BNC2: variants seen among roughly 807,000 people sequenced by gnomAD.
The protein encoded by BNC2 is zinc finger protein basonuclin-2.
A neutral mutation model predicts 76.3 loss-of-function variants in BNC2; 20 were observed. That is an observed-to-expected ratio of 0.26 (90% CI 0.18 to 0.38). The LOEUF (loss-of-function observed/expected upper bound fraction) is 0.38. BNC2 is among the 10% of genes least tolerant of loss of function. The pLI is 1.00. For missense variants in BNC2, 1,382 were observed against 1,399.8 expected (o/e 0.99, Z 0.20); for synonymous variants, 582 against 514.8 (o/e 1.13, Z -1.77).
At chr9:16,477,670 T>C (rs1056214943) in intron 5 of BNC2, among the ~76,000 whole-genome samples, 2 of 152,192 alleles carry the variant, frequency 1.3e-5, no homozygotes, top group South Asian at 4.1e-4. Context: ...TGGGGAAACA[T>C]ATATAATTAT....
At position 16,743,850 on chromosome 9, in the gene BNC2, A is replaced by G. The variant is rs1253155101; in HGVS notation, c.4-5365T>C. On this transcript the variant is annotated intron_variant, in intron 1 of 6. Coordinates refer to ENST00000380672, the MANE Select transcript of BNC2 (RefSeq NM_017637.6). ...GCTTATGGTGTCAAAGGGTATTCCA[A>G]AATACCCCAGGGGAAAAACCTAAAT... Among the ~76,000 whole-genome samples the G allele has an allele frequency of 6.6e-5, 10 of 152,222 alleles. No individual in the cohort carries two copies. The East Asian group carries it at 1.7e-3, about 26-fold the overall frequency.
intron 3 of BNC2, among the ~76,000 whole-genome samples, chr9:16,612,036 G>A (rs888436132): frequency 7.3e-6 from 1 of 136,978 alleles, no homozygotes; most frequent in Non-Finnish European, 1.6e-5. Flanking sequence ...AGGTAGAAGA[G>A]AGAACAGAGA....
rs1371420349 is a variant in BNC2, at chr9:16,727,903, G to C, written c.224C>G (p.Thr75Ser). Residue 75 changes from threonine to serine, a missense_variant, in exon 3 of 7, where the codon ACT becomes AGT. Physicochemically the swap from Thr to Ser is moderately conservative, Grantham distance 58 (BLOSUM62 1). Coordinates refer to ENST00000380672, the MANE Select transcript of BNC2 (RefSeq NM_017637.6). ...GGTTCCGAACTGCATGGAGTTGTCA[G>C]TACAGGAGTCTCTTAAAGTCAAGTC... is the stretch of plus-strand genomic sequence containing the variant. ...ARDLTLRDSC[T>S]DNSMQFGTRT... The C allele has an allele frequency of 1.2e-6, 2 of 1,614,152 alleles. No individual in the cohort carries two copies. Among genetic ancestry groups the C allele is most frequent in the Non-Finnish European group, 1.7e-6 (2 of 1,180,018 alleles).
chr9:16,696,783 T>C (rs1421980953), intron 3 of BNC2, among the ~76,000 whole-genome samples: 8 of 152,152 alleles, frequency 5.3e-5, no homozygotes, highest in African/African-American at 1.4e-4. Context: ...CCTCAACAAA[T>C]ACCCGTAAGG....
intron 1 of BNC2, among the ~76,000 whole-genome samples, chr9:16,803,517 G>C (rs1372596585): frequency 6.6e-6 from 1 of 152,188 alleles, no homozygotes; most frequent in Non-Finnish European, 1.5e-5. Flanking sequence ...CTTTAAATGA[G>C]ACACTGCTGG....
At chr9:16,669,878 G>A (rs1822422905) in intron 3 of BNC2, among the ~76,000 whole-genome samples, 1 of 152,180 alleles carries the variant, frequency 6.6e-6, no homozygotes, top group African/African-American at 2.4e-5. Flanking sequence ...GTGGACGGTA[G>A]GAAACTTTGA....
chr9:16,590,756 A>C (rs1326284855), intron 3 of BNC2, among the ~76,000 whole-genome samples: 1 of 152,114 alleles, frequency 6.6e-6, no homozygotes, highest in Non-Finnish European at 1.5e-5. Context: ...GCAGTAAACC[A>C]TGATCATACC....
intron 5 of BNC2, among the ~76,000 whole-genome samples, chr9:16,462,171 C>A (rs1821597301): frequency 6.6e-6 from 1 of 152,170 alleles, no homozygotes; most frequent in Non-Finnish European, 1.5e-5. Flanking sequence ...CCAGGATTTC[C>A]TCACTCACGT....
chr9:16,852,365 A>AT lies in BNC2; in HGVS notation c.3+18280dup, dbSNP rs569166450. Among the ~76,000 whole-genome samples, 44 of 152,354 alleles carry AT rather than the reference A, an allele frequency of 2.9e-4. 1 individual carries two copies. Among genetic ancestry groups the AT allele is most frequent in the Admixed American group, 1.3e-3 (20 of 15,302 alleles). ...AACCACTATTCCAACTGAGCTAAGC[A>AT]TAAGCAGTTCAGAAAAGTTCAGCAG... is the stretch of plus-strand genomic sequence containing the variant. On this transcript the variant is annotated intron_variant, in intron 1 of 6. Coordinates refer to ENST00000380672, the MANE Select transcript of BNC2 (RefSeq NM_017637.6).
At chr9:16,818,782 C>A (rs922973148) in intron 1 of BNC2, among the ~76,000 whole-genome samples, 9 of 152,128 alleles carry the variant, frequency 5.9e-5, no homozygotes, top group Non-Finnish European at 1.2e-4. Flanking sequence ...CCACCTCAAC[C>A]ACCCAAGTAG....
rs1398800694 is a variant in BNC2 at position 16,756,086 on chromosome 9, C to A, written c.4-17601G>T. 2.0e-5 allele frequency among the ~76,000 whole-genome samples: 3 copies of A among 152,166 alleles called. No individual in the cohort carries two copies. In the East Asian group the frequency reaches 5.8e-4, roughly 29 times the overall value. The stretch of plus-strand genomic sequence containing the variant: ...TACAGAAGACTATCAAAAGGGACAA[C>A]CCTTTCTTTGTCTCTCAAAGGGATG... On this transcript the variant is annotated intron_variant, in intron 1 of 6. Transcript: ENST00000380672.
chr9:16,785,892 T>C (rs1826280097), intron 1 of BNC2, among the ~76,000 whole-genome samples: 1 of 152,052 alleles, frequency 6.6e-6, no homozygotes, highest in South Asian at 2.1e-4. Flanking sequence ...GCTGGGGCCT[T>C]TTCCCAGGGC....
intron 1 of BNC2, among the ~76,000 whole-genome samples, chr9:16,852,536 G>C (rs1004461643): frequency 9.9e-5 from 15 of 152,140 alleles, no homozygotes; most frequent in African/African-American, 3.6e-4. Flanking sequence ...GTTGCTACAG[G>C]TAATGGAAAT....
chr9:16,570,902 A>AC (rs1288478100), intron 4 of BNC2, among the ~76,000 whole-genome samples: 1 of 152,158 alleles, frequency 6.6e-6, no homozygotes, highest in African/African-American at 2.4e-5. Context: ...GAATAAAGAA[A>AC]CAGAGGGGAT....
At chr9:16,809,792 G>C (rs1204057940) in intron 1 of BNC2, among the ~76,000 whole-genome samples, 1 of 151,960 alleles carries the variant, frequency 6.6e-6, no homozygotes, top group Non-Finnish European at 1.5e-5. Flanking sequence ...CACAAAAAAA[G>C]AAAACAGTGT....
intron 5 of BNC2, among the ~76,000 whole-genome samples, chr9:16,495,537 C>T (rs1241386382): frequency 2.0e-5 from 3 of 152,310 alleles, no homozygotes; most frequent in South Asian, 4.1e-4. Context: ...CTTCTGGGGA[C>T]AGGGTGCTCA....
chr9:16,491,047 C>T (rs570613298), intron 5 of BNC2, among the ~76,000 whole-genome samples: 4 of 152,210 alleles, frequency 2.6e-5, no homozygotes, highest in Admixed American at 2.6e-4. Context: ...AGGACAGAGA[C>T]GCAGACAGAC....
intron 5 of BNC2, among the ~76,000 whole-genome samples, chr9:16,485,486 AATTTAATAAG>A (rs1822145041): frequency 6.6e-6 from 1 of 152,208 alleles, no homozygotes; most frequent in Non-Finnish European, 1.5e-5. Flanking sequence ...ATTTCTGCTT[AATTTAATAAG>A]AGACCCAACT....
intron 5 of BNC2, among the ~76,000 whole-genome samples, chr9:16,516,357 T>C (rs1402170276): frequency 1.3e-5 from 2 of 151,796 alleles, no homozygotes; most frequent in Non-Finnish European, 2.9e-5. Context: ...TCCCCAATGA[T>C]TATGCGGAAA....
Sources: gnomAD v4.1 joint callset for allele counts (sites outside exome capture counted in the v4.1 genomes callset) on GRCh38, gnomAD v4.1.1 for gene constraint, MANE v1.5 for transcripts, NCBI Gene and HGNC (gene_info 2026-07-23, HGNC 2026-07-21) for gene names.